STOX2: variants seen among roughly 807,000 people sequenced by gnomAD.
The protein encoded by STOX2 is storkhead-box protein 2.
A neutral mutation model predicts 60.9 loss-of-function variants in STOX2; 28 were observed. That is an observed-to-expected ratio of 0.46 (90% CI 0.34 to 0.63). STOX2 has a LOEUF of 0.63. Ranked by LOEUF, STOX2 falls within the 30% of genes least tolerant of loss-of-function variation. STOX2 has a pLI of 0.01. For missense variants in STOX2, 1,024 were observed against 1,187.7 expected, an observed-to-expected ratio of 0.86 and a Z score of 2.03; for synonymous variants, 472 against 463.9, an observed-to-expected ratio of 1.02 and a Z score of -0.22.
chr4:183,812,827 ACTG>A (rs372496895), intron 1 of STOX2, among the ~76,000 whole-genome samples: 252 of 152,318 alleles, frequency 1.7e-3, no homozygotes, highest in African/African-American at 5.9e-3. Context: ...CCTTTGTAAC[ACTG>A]CTAACATATT....
intron 2 of STOX2, among the ~76,000 whole-genome samples, chr4:184,004,841 G>T (rs1180791037): frequency 6.6e-6 from 1 of 152,154 alleles, no homozygotes; most frequent in African/African-American, 2.4e-5. Flanking sequence ...TAAATTGGTG[G>T]TCTGGTACCT....
intron 1 of STOX2, among the ~76,000 whole-genome samples, chr4:183,860,456 AAAGAAG>A (rs910132528): frequency 6.7e-6 from 1 of 149,468 alleles, no homozygotes; most frequent in South Asian, 2.1e-4. Flanking sequence ...AAAAAAAAAA[AAAGAAG>A]AAAAAGAAGA....
chr4:183,994,349 C>T (rs1263576432), intron 1 of STOX2, among the ~76,000 whole-genome samples: 1 of 152,182 alleles, frequency 6.6e-6, no homozygotes, highest in Non-Finnish European at 1.5e-5. Context: ...AAGGGGCACA[C>T]ATTAGTCCTG....
rs1741564849 is a variant in STOX2 at position 183,905,440 on chromosome 4, AGGCTGCGTGG to A, written c.-1350_-1341del. On this transcript the variant is annotated 5_prime_UTR_variant, in exon 1 of 4. The change creates a premature stop within an existing upstream ORF in the 5' untranslated region. Transcript: ENST00000308497. ...GCAGGCCACTTGCATTGCGTCTTCC[AGGCTGCGTGG>A]ACCCGGCGCCCCGGCGTGTGCGGTT... 6.6e-6 allele frequency: 1 copy of A among 152,284 alleles called. No homozygotes were observed. Among genetic ancestry groups the A allele is most frequent in the Non-Finnish European group, 1.5e-5 (1 of 68,102 alleles). 9.4% of individuals were successfully genotyped at this position (152,284 alleles called of 1,614,324 possible). A position where few individuals can be genotyped will look rare whatever the true frequency, so the allele number is the denominator to read the frequency against.
chr4:183,992,514 G>A (rs1320594478), intron 1 of STOX2, among the ~76,000 whole-genome samples: 1 of 152,188 alleles, frequency 6.6e-6, no homozygotes, highest in Non-Finnish European at 1.5e-5. Context: ...GAGAAGTACA[G>A]GGTGGCTTAA....
chr4:183,911,959 C>T (rs1053040713), intron 1 of STOX2, among the ~76,000 whole-genome samples: 7 of 152,156 alleles, frequency 4.6e-5, no homozygotes, highest in Admixed American at 1.3e-4. Context: ...TCCACAGTAA[C>T]ACAAGAAAGA....
chr4:183,914,607 C>T (rs1983503), intron 1 of STOX2, among the ~76,000 whole-genome samples: 40,328 of 152,006 alleles, frequency 0.27, 6,436 homozygotes, highest in Non-Finnish European at 0.36. Context: ...ACAATAAAGG[C>T]GTATAAGTTG....
Position 183,881,997 on chromosome 4 carries a change from G to A in STOX2, c.364+83942G>A, listed in dbSNP as rs185868547. Among the ~76,000 whole-genome samples, 108 of 152,300 alleles carry A rather than the reference G, an allele frequency of 7.1e-4. No homozygotes were observed. The South Asian group carries it at 8.9e-3, about 13-fold the overall frequency. ...AACTGAATTAATTACATGTAATGAGGACCCCAGCCAAGGCACCACTCGGAC... is the reference window on the plus strand; with the variant it reads ...AACTGAATTAATTACATGTAATGAGAACCCCAGCCAAGGCACCACTCGGAC... On this transcript the variant is annotated intron_variant, in intron 1 of 2. Coordinates refer to the STOX2 transcript ENST00000513034.
rs1049118187 is a variant in STOX2, at chr4:183,905,417, A to C, written c.-1374A>C. ...TCCAGAGGGAGAGAGGAAGCGCTGC[A>C]GGCCACTTGCATTGCGTCTTCCAGG... On this transcript the variant is annotated 5_prime_UTR_variant, in exon 1 of 4. Transcript: ENST00000308497. 2.0e-5 allele frequency: 3 copies of C among 152,336 alleles called. No homozygotes were observed. Among genetic ancestry groups the C allele is most frequent in the African/African-American group, 4.8e-5 (2 of 41,464 alleles). The allele number at this position is 152,336 out of a possible 1,614,324, so 9.4% of individuals were successfully genotyped here.
chr4:183,947,969 C>T (rs1304603087), intron 1 of STOX2, among the ~76,000 whole-genome samples: 2 of 152,044 alleles, frequency 1.3e-5, no homozygotes, highest in Non-Finnish European at 2.9e-5. Context: ...GTAATCCTAG[C>T]ACTTTGGGAA....
At chr4:183,939,835 T>G (rs897019077) in intron 1 of STOX2, among the ~76,000 whole-genome samples, 1 of 152,182 alleles carries the variant, frequency 6.6e-6, no homozygotes, top group Non-Finnish European at 1.5e-5. Context: ...TATGTAAAGT[T>G]CCTAAAAATT....
intron 1 of STOX2, among the ~76,000 whole-genome samples, chr4:183,832,540 G>T (rs1463826321): frequency 2.2e-5 from 3 of 137,958 alleles, no homozygotes; most frequent in African/African-American, 8.3e-5. Context: ...ACCCAGGCTG[G>T]AATGCAGTGG....
At chr4:183,873,755 A>C (rs749027105) in intron 1 of STOX2, among the ~76,000 whole-genome samples, 1 of 152,236 alleles carries the variant, frequency 6.6e-6, no homozygotes, top group Middle Eastern at 3.2e-3. Flanking sequence ...TTTCATCACC[A>C]TTATGTGTGT....
Position 184,020,005 on chromosome 4 carries a change from G to A in STOX2, c.*2721G>A, listed in dbSNP as rs1734512118. 6.6e-6 allele frequency: 1 copy of A among 152,200 alleles called. No individual in the cohort carries two copies. Among genetic ancestry groups the A allele is most frequent in the South Asian group, 2.1e-4 (1 of 4,830 alleles). The allele number at this position is 152,200 out of a possible 1,614,324, so 9.4% of individuals were successfully genotyped here. ...CAAAACTGAATCTGGTTGAATCTCT[G>A]TGAAAGGGTCAACACATCTGTCGGC... On this transcript the variant is annotated 3_prime_UTR_variant, in exon 4 of 4. Transcript: ENST00000308497.
chr4:183,837,700 C>A (rs984328076), intron 1 of STOX2, among the ~76,000 whole-genome samples: 1 of 152,052 alleles, frequency 6.6e-6, no homozygotes, highest in African/African-American at 2.4e-5. Flanking sequence ...CTCAAGTGAT[C>A]CCCCTGCCTC....
chr4:183,878,601 A>G (rs544430911), intron 1 of STOX2, among the ~76,000 whole-genome samples: 1 of 152,324 alleles, frequency 6.6e-6, no homozygotes, highest in African/African-American at 2.4e-5. Flanking sequence ...TGTGAATCTA[A>G]AAAGCATGTT....
chr4:183,817,713 C>T (rs960166132), intron 1 of STOX2, among the ~76,000 whole-genome samples: 1 of 152,180 alleles, frequency 6.6e-6, no homozygotes, highest in African/African-American at 2.4e-5. Flanking sequence ...GTCACCTACT[C>T]TTGACATGAG....
chr4:183,930,457 A>T (rs918710289), intron 1 of STOX2, among the ~76,000 whole-genome samples: 1 of 151,874 alleles, frequency 6.6e-6, no homozygotes, highest in Non-Finnish European at 1.5e-5. Flanking sequence ...CTCCTGCCTC[A>T]GCCTCCCAAG....
intron 1 of STOX2, among the ~76,000 whole-genome samples, chr4:183,946,526 T>C (rs1742894018): frequency 6.6e-6 from 1 of 152,126 alleles, no homozygotes; most frequent in African/African-American, 2.4e-5. Context: ...TAACTGTGGA[T>C]CAAAAATATT....
Sources: gnomAD v4.1 joint callset for allele counts (sites outside exome capture counted in the v4.1 genomes callset) on GRCh38, gnomAD v4.1.1 for gene constraint, MANE v1.5 for transcripts, NCBI Gene and HGNC (gene_info 2026-07-23, HGNC 2026-07-21) for gene names.